KDM4C: variants seen among roughly 807,000 people sequenced by gnomAD.
The protein encoded by KDM4C is lysine-specific demethylase 4C.
A neutral mutation model predicts 129.3 loss-of-function variants in KDM4C; 81 were observed. That is an observed-to-expected ratio of 0.63 (90% confidence interval 0.52 to 0.75). The LOEUF (loss-of-function observed/expected upper bound fraction) is 0.75. Among genes scored for constraint, KDM4C ranks in the 30% least tolerant of loss-of-function variants. The pLI, the probability that KDM4C is intolerant of heterozygous loss-of-function variation, is 0.00. For synonymous variants in KDM4C, 573 were observed against 456.1 expected (o/e 1.26, Z -3.26); for missense variants, 1,457 against 1,304.0 (o/e 1.12, Z -1.81).
At chr9:6,733,994 A>T (rs1371453891) in intron 1 of KDM4C, among the ~76,000 whole-genome samples, 1 of 152,140 alleles carries the variant, frequency 6.6e-6, no homozygotes, top group African/African-American at 2.4e-5. Context: ...CTGTTTTATC[A>T]GCAAGGTCTT....
rs569769490 is a variant in KDM4C at position 7,133,021 on chromosome 9, T to G, written c.2781+4785T>G. 9.2e-5 allele frequency among the ~76,000 whole-genome samples: 14 copies of G among 152,318 alleles called. No homozygotes were observed. The East Asian group carries it at 2.7e-3, about 29-fold the overall frequency. ...ATTCTGGGGGTGAGTAGTTATGGCCTTTAGTTTTGAGGGCTGTGCAATGCA... is the reference window on the plus strand; with the variant it reads ...ATTCTGGGGGTGAGTAGTTATGGCCGTTAGTTTTGAGGGCTGTGCAATGCA... On this transcript the variant is annotated intron_variant, in intron 19 of 21. Transcript: ENST00000381309.
chr9:6,991,868 T>A (rs1317326814), intron 12 of KDM4C, among the ~76,000 whole-genome samples: 1 of 152,156 alleles, frequency 6.6e-6, no homozygotes, highest in Non-Finnish European at 1.5e-5. Context: ...AGACCCTGTA[T>A]CATAAAAAAG....
At chr9:6,770,462 C>G (rs1052663345) in intron 1 of KDM4C, among the ~76,000 whole-genome samples, 1 of 151,980 alleles carries the variant, frequency 6.6e-6, no homozygotes, top group Non-Finnish European at 1.5e-5. Context: ...GTCAAGGAAG[C>G]TGTGTATTGG....
chr9:7,053,572 A>G (rs1415960400), intron 17 of KDM4C, among the ~76,000 whole-genome samples: 1 of 152,202 alleles, frequency 6.6e-6, no homozygotes, highest in Non-Finnish European at 1.5e-5. Context: ...ATGGACAACA[A>G]TGATGACATT....
In KDM4C at chr9:6,889,348, A is replaced by G. The variant is rs543518888; in HGVS notation, c.783+1285A>G. On this transcript the variant is annotated intron_variant, in intron 7 of 21. Transcript: ENST00000381309. ...TTCCCTGCTCCCTCATAAACTGTCT[A>G]TGCAGCAGTCACGCACAAGATATGC... Among the ~76,000 whole-genome samples, 37 of 151,976 alleles carry G rather than the reference A, an allele frequency of 2.4e-4. No homozygotes were observed. In the South Asian group the frequency reaches 2.7e-3, roughly 11 times the overall value.
intron 8 of KDM4C, among the ~76,000 whole-genome samples, chr9:6,931,840 A>G (rs1246487531): frequency 1.3e-5 from 2 of 152,222 alleles, no homozygotes; most frequent in African/African-American, 4.8e-5. Flanking sequence ...ATATGAGAAA[A>G]ATATTTACTG....
In KDM4C at chr9:6,747,210, C is replaced by G. The variant is rs1006264204; in HGVS notation, c.49+26213C>G. ...TCTGTCTCCAAAAAACCAAACCAAC[C>G]AACCAACCAACCAACCAAAGAACCT... On this transcript the variant is annotated intron_variant, in intron 1 of 17. Transcript: ENST00000536108. 2.2e-5 allele frequency among the ~76,000 whole-genome samples: 3 copies of G among 136,036 alleles called. No homozygotes were observed. The Admixed American group carries it at 2.3e-4, about 10-fold the overall frequency. 89.2% of individuals were successfully genotyped at this position (136,036 alleles called of 152,430 possible). A position where few individuals can be genotyped will look rare whatever the true frequency, so the allele number is the denominator to read the frequency against.
At chr9:6,919,251 C>CTTTCT (rs1820949738) in intron 8 of KDM4C, among the ~76,000 whole-genome samples, 1 of 55,924 alleles carries the variant, frequency 1.8e-5, no homozygotes, top group African/African-American at 7.7e-5. Context: ...TCTTTCTTTT[C>CTTTCT]TTTCTTTCTT....
At chr9:7,173,545 C>A (rs916405506) in intron 21 of KDM4C, among the ~76,000 whole-genome samples, 4 of 152,144 alleles carry the variant, frequency 2.6e-5, no homozygotes, top group Non-Finnish European at 4.4e-5. Flanking sequence ...GTTGGAGGTA[C>A]AGCATTTATT....
intron 7 of KDM4C, among the ~76,000 whole-genome samples, chr9:6,892,597 A>C (rs1355241735): frequency 6.6e-6 from 1 of 152,208 alleles, no homozygotes; most frequent in African/African-American, 2.4e-5. Context: ...AATGTTTTCT[A>C]GGTGCTAGGA....
intron 1 of KDM4C, among the ~76,000 whole-genome samples, chr9:6,768,186 C>T (rs1821018542): frequency 6.6e-6 from 1 of 151,980 alleles, no homozygotes; most frequent in Admixed American, 6.6e-5. Context: ...ATTAAACTGG[C>T]AAGAAGAACT....
At chr9:6,835,889 C>A (rs958599927) in intron 4 of KDM4C, among the ~76,000 whole-genome samples, 5 of 152,102 alleles carry the variant, frequency 3.3e-5, no homozygotes, top group African/African-American at 1.2e-4. Flanking sequence ...TCCTAAAAGC[C>A]ACCCGACTTG....
intron 19 of KDM4C, among the ~76,000 whole-genome samples, chr9:7,147,989 G>A (rs1842370751): frequency 6.6e-6 from 1 of 152,228 alleles, no homozygotes; most frequent in Non-Finnish European, 1.5e-5. Flanking sequence ...CCTGCCAAGG[G>A]CAAGCCAGGC....
At chr9:7,173,592 G>T (rs573949306) in intron 21 of KDM4C, among the ~76,000 whole-genome samples, 5 of 152,314 alleles carry the variant, frequency 3.3e-5, no homozygotes, top group African/African-American at 1.2e-4. Context: ...GCCCCATAGG[G>T]TAAGGATCAA....
rs114733371 is a variant in KDM4C at position 6,987,631 on chromosome 9, T to C, written c.1677+965T>C. ...TGTCCCTGAGTAGGAGCAAGGGAGG[T>C]TGTATAAGGACAGCAGCTTTGAATA... On this transcript the variant is annotated intron_variant, in intron 11 of 21. Coordinates refer to ENST00000381309, the MANE Select transcript of KDM4C (RefSeq NM_015061.6). Among the ~76,000 whole-genome samples the C allele has an allele frequency of 7.5e-3, 1,144 of 152,216 alleles. 16 individuals are homozygous for C. The highest frequency in any genetic ancestry group is 0.026 in the African/African-American group (1,099 of 41,530).
At chr9:6,990,863 CT>C (rs1818615708) in intron 12 of KDM4C, among the ~76,000 whole-genome samples, 1 of 152,056 alleles carries the variant, frequency 6.6e-6, no homozygotes, top group Non-Finnish European at 1.5e-5. Flanking sequence ...CTGTAGGTTT[CT>C]TTACATTGTC....
intron 4 of KDM4C, chr9:6,835,317 C>G: frequency 1.1e-6 from 1 of 929,944 alleles, no homozygotes; most frequent in East Asian, 2.4e-5. Context: ...ATGTGGACAT[C>G]CACAAAGACC....
At chr9:6,879,633 C>G (rs907474759) in intron 5 of KDM4C, among the ~76,000 whole-genome samples, 4 of 152,022 alleles carry the variant, frequency 2.6e-5, no homozygotes, top group South Asian at 2.1e-4. Context: ...CAACCAACCA[C>G]AAAACGAAAA....
chr9:6,811,750 C>T (rs1043483151), intron 3 of KDM4C, among the ~76,000 whole-genome samples: 4 of 152,050 alleles, frequency 2.6e-5, no homozygotes, highest in East Asian at 1.9e-4. Context: ...AATTCAGCCC[C>T]GTGTCTAGGG....
Sources: allele counts gnomAD v4.1 joint callset (sites outside exome capture counted in the v4.1 genomes callset), GRCh38; gene constraint gnomAD v4.1.1; transcripts MANE v1.5; gene names NCBI Gene and HGNC (gene_info 2026-07-23, HGNC 2026-07-21).